CD99: variants seen among roughly 807,000 people sequenced by gnomAD.
CD99 encodes the protein CD99 antigen.
Under a neutral mutation model 28.4 loss-of-function variants are expected in CD99, and 19 were observed. The ratio of observed to expected loss-of-function variants is 0.67; its 90% CI spans 0.47 to 0.98. The LOEUF is 0.98. Among genes scored for constraint, CD99 ranks in the 50% least tolerant of loss-of-function variants. The pLI, the probability that CD99 is intolerant of heterozygous loss-of-function variation, is 0.00. For missense variants in CD99, 283 were observed against 248.8 expected (o/e 1.14, Z -0.92); for synonymous variants, 103 against 92.1 (o/e 1.12, Z -0.67).
intron 1 of CD99, among the ~76,000 whole-genome samples, chrX:2,693,325 A>T (rs1297105496): frequency 7.1e-6 from 1 of 139,982 alleles, no homozygotes; most frequent in Admixed American, 7.1e-5. Context: ...GAGTAAAGGG[A>T]AGAGTACCTG....
At chrX:2,710,514 G>GGTTT (rs1556311099) in intron 1 of CD99, among the ~76,000 whole-genome samples, 1 of 149,926 alleles carries the variant, frequency 6.7e-6, no homozygotes, top group Non-Finnish European at 1.5e-5. Context: ...CACGTGTGGG[G>GGTTT]TTTTTTTTTG....
intron 8 of CD99, among the ~76,000 whole-genome samples, chrX:2,736,782 G>A (rs1224774990): frequency 4.6e-5 from 7 of 151,814 alleles, no homozygotes; most frequent in South Asian, 2.1e-4. Context: ...GCTTGAACCC[G>A]GGAGGCGGAG....
intron 1 of CD99, among the ~76,000 whole-genome samples, chrX:2,710,234 G>A (rs1056566264): frequency 2.0e-4 from 30 of 152,134 alleles, no homozygotes; most frequent in Non-Finnish European, 4.0e-4. Context: ...GCCACCTCCT[G>A]ACACTGGAGT....
chrX:2,725,247 A>G (rs2049212966), intron 7 of CD99, among the ~76,000 whole-genome samples: 1 of 152,012 alleles, frequency 6.6e-6, no homozygotes, highest in Non-Finnish European at 1.5e-5. Context: ...AAACCACAGT[A>G]ATTAACCAGG....
intron 1 of CD99, among the ~76,000 whole-genome samples, chrX:2,708,122 C>G (rs2124517110): frequency 6.9e-6 from 1 of 144,214 alleles, no homozygotes; most frequent in South Asian, 2.1e-4. Context: ...GGACTGCCTT[C>G]CTCACACACA....
intron 1 of CD99, among the ~76,000 whole-genome samples, chrX:2,707,921 GA>G (rs2124516337): frequency 1.3e-5 from 2 of 152,240 alleles, no homozygotes; most frequent in South Asian, 4.1e-4. Flanking sequence ...CCTACCACCT[GA>G]AAGCTCAGGG....
intron 3 of CD99, 29 bp from the exon 4 acceptor site, chrX:2,719,632 G>A: frequency 6.2e-7 from 1 of 1,604,582 alleles, no homozygotes; most frequent in South Asian, 1.1e-5. Context: ...TCTGGAATTT[G>A]GTATTAACTG....
At chrX:2,700,764 T>C (rs1196430940) in intron 1 of CD99, among the ~76,000 whole-genome samples, 1 of 151,788 alleles carries the variant, frequency 6.6e-6, no homozygotes, top group African/African-American at 2.4e-5. Flanking sequence ...TCACCCATCC[T>C]TTCATCAATT....
At chrX:2,716,034 T>C (rs73188861) in intron 2 of CD99, among the ~76,000 whole-genome samples, 21 of 147,198 alleles carry the variant, frequency 1.4e-4, no homozygotes, top group African/African-American at 2.9e-4. Flanking sequence ...TTTTTTTTTT[T>C]CCGAGATGGA....
intron 1 of CD99, among the ~76,000 whole-genome samples, chrX:2,701,350 A>T (rs1191610291): frequency 6.6e-6 from 1 of 152,110 alleles, no homozygotes; most frequent in African/African-American, 2.4e-5. Context: ...TAAATGTACT[A>T]TTGGTGCTAT....
chrX:2,706,063 GAA>G (rs3047482), intron 1 of CD99, among the ~76,000 whole-genome samples: 1 of 142,956 alleles, frequency 7.0e-6, no homozygotes, highest in South Asian at 2.2e-4. Context: ...ACGTTAAAAA[GAA>G]AAAAAAAAAA....
chrX:2,718,673 A>G (rs1170285949), intron 3 of CD99, among the ~76,000 whole-genome samples: 2 of 152,096 alleles, frequency 1.3e-5, no homozygotes, highest in Non-Finnish European at 2.9e-5. Flanking sequence ...CCAGCCCTCA[A>G]TGCTGTTCTT....
chrX:2,700,247 A>G (rs2047779718), intron 1 of CD99, among the ~76,000 whole-genome samples: 2 of 152,122 alleles, frequency 1.3e-5, no homozygotes, highest in African/African-American at 4.8e-5. Flanking sequence ...GCATTTTGAT[A>G]TGGAAGAGAA....
chrX:2,699,085 C>A (rs1295357831), intron 1 of CD99, among the ~76,000 whole-genome samples: 1 of 151,780 alleles, frequency 6.6e-6, no homozygotes, highest in Non-Finnish European at 1.5e-5. Context: ...CCTCACCATA[C>A]CCAGCTAATC....
chrX:2,698,821 C>G (rs2047699017), intron 1 of CD99, among the ~76,000 whole-genome samples: 2 of 152,196 alleles, frequency 1.3e-5, no homozygotes, highest in African/African-American at 4.8e-5. Context: ...CTCTTGCTGA[C>G]CTAGATCCGA....
chrX:2,713,097 A>G (rs1463623430), intron 1 of CD99, among the ~76,000 whole-genome samples: 1 of 148,346 alleles, frequency 6.7e-6, no homozygotes, highest in East Asian at 2.0e-4. Flanking sequence ...CATGCACATG[A>G]AAAACACATA....
At chrX:2,739,662 C>T (rs1207089523) in intron 9 of CD99, among the ~76,000 whole-genome samples, 1 of 151,808 alleles carries the variant, frequency 6.6e-6, no homozygotes, top group Admixed American at 6.6e-5. Context: ...CCATGTTGGC[C>T]AGAGTGGTCT....
intron 1 of CD99, among the ~76,000 whole-genome samples, chrX:2,700,676 A>C (rs1249444638): frequency 6.6e-6 from 1 of 151,578 alleles, no homozygotes; most frequent in Non-Finnish European, 1.5e-5. Context: ...TCATCCATGC[A>C]TCCATCCTTT....
At chrX:2,729,809 A>G (rs1317494095) in intron 8 of CD99, among the ~76,000 whole-genome samples, 8 of 152,164 alleles carry the variant, frequency 5.3e-5, no homozygotes, top group Admixed American at 5.2e-4. Context: ...AGGCATGAAC[A>G]ATGAAAGCTC....
Sources: gnomAD v4.1 joint callset for allele counts (sites outside exome capture counted in the v4.1 genomes callset) on GRCh38, gnomAD v4.1.1 for gene constraint, MANE v1.5 for transcripts, NCBI Gene and HGNC (gene_info 2026-07-23, HGNC 2026-07-21) for gene names.